The following AGPAT3 variants were observed in gnomAD, a reference collection of about 807,000 sequenced individuals.
AGPAT3 encodes the protein 1-acylglycerol-3-phosphate O-acyltransferase 3, also known as 1-acyl-sn-glycerol-3-phosphate acyltransferase gamma.
AGPAT3 carries 5 observed loss-of-function variants against 47.3 expected under a neutral mutation model. That is an observed-to-expected ratio of 0.11 (90% CI 0.06 to 0.22). AGPAT3 has a LOEUF of 0.22. Ranked by LOEUF, AGPAT3 falls within the 10% of genes least tolerant of loss-of-function variation. AGPAT3 has a pLI of 1.00. For synonymous variants in AGPAT3, 212 were observed against 208.3 expected (o/e 1.02, Z -0.15); for missense variants, 315 against 493.0 (o/e 0.64, Z 3.42).
rs1031907378 is a variant in AGPAT3 at position 43,934,974 on chromosome 21, G to A, written c.-48-24660G>A. ...CATGCCACTCACATGCCATTGACAC[G>A]CCACCACGCCACTTACGCCACCCAC... On this transcript the variant is annotated intron_variant, in intron 2 of 9. Coordinates refer to ENST00000291572, the MANE Select transcript of AGPAT3 (RefSeq NM_020132.5). This position sits in a 1 kb window ranked among gnomAD's most constrained non-coding sequence, Gnocchi z 4.7. Among the ~76,000 whole-genome samples, 19 of 147,966 alleles carry A rather than the reference G, an allele frequency of 1.3e-4. No individual in the cohort carries two copies. The highest frequency in any genetic ancestry group is 4.7e-4 in the Admixed American group (7 of 14,918).
At chr21:43,951,839 C>T (rs1056971530) in intron 2 of AGPAT3, among the ~76,000 whole-genome samples, 31 of 152,198 alleles carry the variant, frequency 2.0e-4, no homozygotes, top group Middle Eastern at 3.4e-3. Flanking sequence ...GGCCTGGCAG[C>T]GGTGCGGAGG....
rs1434126677 is a variant in AGPAT3 at position 43,908,791 on chromosome 21, C to T, written c.-49+4772C>T. 6.6e-6 allele frequency among the ~76,000 whole-genome samples: 1 copy of T among 152,236 alleles called. No homozygotes were observed. Among genetic ancestry groups the T allele is most frequent in the Non-Finnish European group, 1.5e-5 (1 of 68,036 alleles). The stretch of plus-strand genomic sequence containing the variant: ...AGCGTGGTGGCCTGCCAGCTCCAGG[C>T]TGCAAAAGTCCCTCGTCATTTCATT... On this transcript the variant is annotated intron_variant, in intron 2 of 9. Transcript: ENST00000291572. This position sits in a 1 kb window ranked among gnomAD's most constrained non-coding sequence, Gnocchi z 4.9.
At chr21:43,977,910 G>C in intron 7 of AGPAT3, 136 bp from the exon 8 acceptor site, 1 of 605,528 alleles carries the variant, frequency 1.7e-6, no homozygotes, top group South Asian at 2.2e-5. Flanking sequence ...GAAAAGAAAA[G>C]AAATTGAGAG....
rs11365476 is a variant in AGPAT3 at position 43,909,292 on chromosome 21, ATTT to A, written c.-49+5292_-49+5294del. ...GGTGGGCCACTCATTTTTCATACAC[ATTT>A]TTTTTTTTTTTTTTTTTTGAGACGG... is the stretch of plus-strand genomic sequence containing the variant. On this transcript the variant is annotated intron_variant, in intron 2 of 9. Transcript: ENST00000291572. 3.5e-3 allele frequency among the ~76,000 whole-genome samples: 357 copies of A among 102,284 alleles called. 5 individuals are homozygous for A. The highest frequency in any genetic ancestry group is 0.012 in the African/African-American group (334 of 28,278). 67.1% of individuals were successfully genotyped at this position (102,284 alleles called of 152,430 possible).
At chr21:43,940,789 G>A (rs1040490703) in intron 2 of AGPAT3, among the ~76,000 whole-genome samples, 2 of 152,242 alleles carry the variant, frequency 1.3e-5, no homozygotes, top group African/African-American at 4.8e-5. Flanking sequence ...CTGATGGGCT[G>A]GTTTATGGTG....
At chr21:43,906,768 G>T (rs2086507280) in intron 2 of AGPAT3, among the ~76,000 whole-genome samples, 1 of 152,244 alleles carries the variant, frequency 6.6e-6, no homozygotes, top group Non-Finnish European at 1.5e-5. Flanking sequence ...GGTGGACTGG[G>T]TGAACACACT....
rs2087302196 is a variant in AGPAT3 at position 43,932,901 on chromosome 21, T to C, written c.-48-26733T>C. Reference sequence around the variant, plus strand: ...CTGACCTCAAGTGATCCACCCGCCTTGGCCTCCCAAAGTGCTGGGATTACA... The same window carrying C: ...CTGACCTCAAGTGATCCACCCGCCTCGGCCTCCCAAAGTGCTGGGATTACA... On this transcript the variant is annotated intron_variant, in intron 2 of 9. Transcript: ENST00000291572. The surrounding 1 kb of genome is among the most constrained non-coding windows in gnomAD (Gnocchi z 5.2). Among the ~76,000 whole-genome samples, 1 of 152,160 alleles carries C rather than the reference T, an allele frequency of 6.6e-6. No homozygotes were observed. The highest frequency in any genetic ancestry group is 1.5e-5 in the Non-Finnish European group (1 of 68,010).
At chr21:43,959,994 A>G in intron 3 of AGPAT3, 135 bp downstream of exon 3, 1 of 977,698 alleles carries the variant, frequency 1.0e-6, no homozygotes, top group Non-Finnish European at 1.5e-6. Context: ...TCTGGCTGGC[A>G]GGCTGTCGGA....
intron 1 of AGPAT3, among the ~76,000 whole-genome samples, chr21:43,866,123 T>TTG (rs1230305509): frequency 1.3e-4 from 19 of 150,098 alleles, no homozygotes; most frequent in East Asian, 3.9e-4. Flanking sequence ...GTGCAGTGTT[T>TTG]TTTTTTTTTT....
chr21:43,926,141 G>A (rs980036464), intron 2 of AGPAT3, among the ~76,000 whole-genome samples: 30 of 152,200 alleles, frequency 2.0e-4, no homozygotes, highest in Non-Finnish European at 3.8e-4. Flanking sequence ...CGGTGGCTGC[G>A]GCTTGCCTTC....
intron 1 of AGPAT3, among the ~76,000 whole-genome samples, chr21:43,886,094 C>T (rs372701852): frequency 1.3e-5 from 2 of 152,298 alleles, no homozygotes; most frequent in East Asian, 3.9e-4. Flanking sequence ...GCACCTGCGG[C>T]CAGAGACTGG....
chr21:43,905,225 T>C (rs2086464964), intron 2 of AGPAT3, among the ~76,000 whole-genome samples: 1 of 151,812 alleles, frequency 6.6e-6, no homozygotes, highest in Admixed American at 6.6e-5. Flanking sequence ...AGTCTGGCTC[T>C]GTCGCCCGGG....
At chr21:43,928,482 T>G (rs2186929) in intron 2 of AGPAT3, among the ~76,000 whole-genome samples, 114,411 of 152,060 alleles carry the variant, frequency 0.75, 43,184 homozygotes, top group Admixed American at 0.83. Context: ...CTCTGGAGGG[T>G]TCAGTGCCTC....
chr21:43,974,662 T>C (rs568610278), intron 7 of AGPAT3, among the ~76,000 whole-genome samples: 8 of 151,714 alleles, frequency 5.3e-5, no homozygotes, highest in Admixed American at 2.0e-4. Context: ...AAATTATAAA[T>C]GTGTGTGTGG....
chr21:43,896,196 G>A (rs916294524), intron 1 of AGPAT3, among the ~76,000 whole-genome samples: 5 of 152,350 alleles, frequency 3.3e-5, no homozygotes, highest in African/African-American at 7.2e-5. Flanking sequence ...GAGCCACCAC[G>A]CCTGGCCGTG....
intron 2 of AGPAT3, among the ~76,000 whole-genome samples, chr21:43,921,091 C>G (rs1162238874): frequency 1.3e-5 from 2 of 152,156 alleles, no homozygotes; most frequent in African/African-American, 4.8e-5. Flanking sequence ...CCAGCCTGGG[C>G]AACAGAGCAA....
At chr21:43,893,978 C>T (rs9984258) in intron 1 of AGPAT3, among the ~76,000 whole-genome samples, 2,782 of 152,228 alleles carry the variant, frequency 0.018, 71 homozygotes, top group African/African-American at 0.064. Flanking sequence ...AAAACGTGGC[C>T]GATAGACTTG....
intron 2 of AGPAT3, among the ~76,000 whole-genome samples, chr21:43,915,405 CTTTTTTTTTTTTT>C (rs747494231): frequency 2.6e-5 from 1 of 38,848 alleles, no homozygotes; most frequent in Non-Finnish European, 4.9e-5. Flanking sequence ...TCTTGATTAG[CTTTTTTTTTTTTT>C]TTTTTTTTTT....
intron 1 of AGPAT3, among the ~76,000 whole-genome samples, chr21:43,899,928 A>G (rs2086313396): frequency 1.3e-5 from 2 of 152,244 alleles, no homozygotes; most frequent in South Asian, 2.1e-4. Context: ...AGGTGCTGTC[A>G]GTACATGGTC....
Sources: allele counts gnomAD v4.1 joint callset (sites outside exome capture counted in the v4.1 genomes callset), GRCh38; gene constraint gnomAD v4.1.1; non-coding constraint Gnocchi (gnomAD v3.1); transcripts MANE v1.5; gene names NCBI Gene and HGNC (gene_info 2026-07-23, HGNC 2026-07-21).